Variants in GNB4 observed in about 807,000 individuals in gnomAD.
GNB4 encodes guanine nucleotide-binding protein subunit beta-4.
In GNB4, 28 loss-of-function variants were observed where a neutral mutation model predicts 45.2. The observed-to-expected ratio is 0.62, with a 90% CI of 0.46 to 0.85. The LOEUF (loss-of-function observed/expected upper bound fraction) is 0.85, where lower values mean the gene tolerates loss of function less well. Among genes scored for constraint, GNB4 ranks in the 40% least tolerant of loss-of-function variants. The probability of loss-of-function intolerance (pLI) is 0.00; values close to 1 mark genes in which losing one functional copy is unlikely to be tolerated. For synonymous variants in GNB4, 132 were observed against 143.7 expected (o/e 0.92, Z 0.58); for missense variants, 321 against 425.4 (o/e 0.75, Z 2.16).
chr3:179,426,023 A>T, intron 2 of GNB4, 121 bp downstream of exon 2: 1 of 732,036 alleles, frequency 1.4e-6, no homozygotes, highest in Non-Finnish European at 2.3e-6. Context: ...GCCATGTGAG[A>T]GAAAAAAAGA....
chr3:179,505,454 T>G, the GNB4 span, among the ~76,000 whole-genome samples: 2 of 152,214 alleles, frequency 1.3e-5, no homozygotes, highest in African/African-American at 4.8e-5. Flanking sequence ...ATAACATTCA[T>G]GTAGATTTGA....
At chr3:179,451,000 AAGGAGGCCTCGGGGAGTGAC>A (rs1715856730) in intron 1 of GNB4, 1 of 152,270 alleles carries the variant, frequency 6.6e-6, no homozygotes, top group Admixed American at 6.5e-5. Flanking sequence ...GAGTTCCTGG[AAGGAGGCCTCGGGGAGTGAC>A]GAGAAACCAG....
At chr3:179,515,283 C>G in the GNB4 span, among the ~76,000 whole-genome samples, 4 of 152,074 alleles carry the variant, frequency 2.6e-5, no homozygotes, top group Non-Finnish European at 5.9e-5. Context: ...CTATTATTAC[C>G]CCATTTTACA....
intron 8 of GNB4, among the ~76,000 whole-genome samples, chr3:179,409,802 C>T (rs1300238587): frequency 7.4e-6 from 1 of 134,902 alleles, no homozygotes; most frequent in Non-Finnish European, 1.6e-5. Flanking sequence ...GAGCAAGACT[C>T]TGTCTCAAAA....
chr3:179,464,499 G>A, the GNB4 span: 11 of 1,611,788 alleles, frequency 6.8e-6, no homozygotes, highest in Non-Finnish European at 9.3e-6. Context: ...GATCAAGCAG[G>A]AAGTGCGGCA....
intron 8 of GNB4, chr3:179,410,367 G>A (rs144232157): frequency 6.6e-6 from 1 of 152,196 alleles, no homozygotes; most frequent in Non-Finnish European, 1.5e-5. Context: ...TAGATAGATA[G>A]ATAGATATGT....
the GNB4 span, among the ~76,000 whole-genome samples, chr3:179,508,138 G>T: frequency 6.6e-6 from 1 of 152,088 alleles, no homozygotes. Flanking sequence ...GACAAATATG[G>T]ACATTTTATT....
chr3:179,519,899 G>A, the GNB4 span, among the ~76,000 whole-genome samples: 1 of 152,116 alleles, frequency 6.6e-6, no homozygotes, highest in Non-Finnish European at 1.5e-5. Context: ...TCACTCGCCT[G>A]CTACAGCATG....
At chr3:179,474,938 GA>G in the GNB4 span, among the ~76,000 whole-genome samples, 1 of 150,150 alleles carries the variant, frequency 6.7e-6, no homozygotes, top group African/African-American at 2.5e-5. Context: ...ACCGTATAAA[GA>G]AAAAAAATCG....
the GNB4 span, among the ~76,000 whole-genome samples, chr3:179,485,040 T>G: frequency 2.3e-5 from 3 of 131,524 alleles, no homozygotes; most frequent in Admixed American, 2.7e-4. Flanking sequence ...AGACGGAGTC[T>G]CGCTGTGTTG....
chr3:179,436,729 A>G (rs1311397866), intron 1 of GNB4, among the ~76,000 whole-genome samples: 1 of 152,222 alleles, frequency 6.6e-6, no homozygotes, highest in African/African-American at 2.4e-5. Context: ...GCAAGTGGAT[A>G]AGAGAGGAAA....
intron 4 of GNB4, among the ~76,000 whole-genome samples, chr3:179,418,630 CTACTTTA>C (rs1424213700): frequency 6.6e-6 from 1 of 152,138 alleles, no homozygotes; most frequent in Non-Finnish European, 1.5e-5. Context: ...GAGGCTTCTT[CTACTTTA>C]TAATTTTAGT....
chr3:179,405,737 G>T, intron 8 of GNB4: 1 of 185,846 alleles, frequency 5.4e-6, no homozygotes, highest in Non-Finnish European at 1.1e-5. Context: ...GTGTGTGTGT[G>T]GCTGTTGTAG....
chr3:179,492,114 A>G, the GNB4 span, among the ~76,000 whole-genome samples: 1 of 152,236 alleles, frequency 6.6e-6, no homozygotes, highest in Non-Finnish European at 1.5e-5. Flanking sequence ...GTTTTGAGGC[A>G]CCAAGAGTGA....
the GNB4 span, among the ~76,000 whole-genome samples, chr3:179,490,069 C>T: frequency 6.6e-6 from 1 of 152,106 alleles, no homozygotes; most frequent in South Asian, 2.1e-4. Context: ...ATGGAGTAAG[C>T]AAAATTCATT....
At chr3:179,523,118 C>G in the GNB4 span, among the ~76,000 whole-genome samples, 1 of 151,994 alleles carries the variant, frequency 6.6e-6, no homozygotes, top group South Asian at 2.1e-4. Context: ...CTAACCATGC[C>G]TAGGAAGGAA....
chr3:179,421,491 A>C (rs28458281), intron 2 of GNB4, among the ~76,000 whole-genome samples: 10,883 of 152,304 alleles, frequency 0.071, 1,026 homozygotes, highest in African/African-American at 0.22. Flanking sequence ...TAGAAAAATA[A>C]GAAATGAAAT....
chr3:179,510,128 G>A, the GNB4 span, among the ~76,000 whole-genome samples: 147 of 151,856 alleles, frequency 9.7e-4, 2 homozygotes, highest in African/African-American at 3.5e-3. Flanking sequence ...CAGTGCCCAG[G>A]CTTCTTTTTT....
chr3:179,451,164 C>T (rs1436687036), intron 1 of GNB4, 182 bp downstream of exon 1: 1 of 151,910 alleles, frequency 6.6e-6, no homozygotes, highest in African/African-American at 2.4e-5. Flanking sequence ...CACAGGCGCG[C>T]CCTCCTCGTC....
Sources: allele counts gnomAD v4.1 joint callset (sites outside exome capture counted in the v4.1 genomes callset), GRCh38; gene constraint gnomAD v4.1.1; transcripts MANE v1.5; gene names NCBI Gene and HGNC (gene_info 2026-07-23, HGNC 2026-07-21).